Variants in NCAPH observed in about 807,000 individuals in gnomAD.
NCAPH encodes the protein condensin complex subunit 2.
A neutral mutation model predicts 85.5 loss-of-function variants in NCAPH; 38 were observed. The observed-to-expected ratio is 0.44, with a 90% CI of 0.34 to 0.58. NCAPH has a LOEUF of 0.58. Ranked by LOEUF, NCAPH falls within the 20% of genes least tolerant of loss-of-function variation. The probability of loss-of-function intolerance (pLI) is 0.01; values close to 1 mark genes in which losing one functional copy is unlikely to be tolerated. For missense variants in NCAPH, 789 were observed against 916.6 expected, an observed-to-expected ratio of 0.86 and a Z score of 1.80; for synonymous variants, 301 against 335.1, an observed-to-expected ratio of 0.90 and a Z score of 1.11.
chr2:96,342,286 T>A, intron 3 of NCAPH, 146 bp downstream of exon 3: 1 of 793,504 alleles, frequency 1.3e-6, no homozygotes, highest in South Asian at 1.7e-5. Flanking sequence ...CTGTTTACTC[T>A]GGACCCGTGG....
intron 1 of NCAPH, among the ~76,000 whole-genome samples, chr2:96,336,353 T>C (rs2064214855): frequency 1.3e-5 from 2 of 152,170 alleles, no homozygotes; most frequent in Non-Finnish European, 2.9e-5. Flanking sequence ...AGACAGACAG[T>C]AAACAAAAGA....
At position 96,367,366 on chromosome 2, in the gene NCAPH, A is replaced by G. The variant is rs763357064; in HGVS notation, c.1991A>G (p.Asp664Gly). ...ACAGCGCTCTCCGGAAAGGAGGCAGATGCAGAGGTCAGATGCTCTTGCCTG... is the reference window on the plus strand; with the variant it reads ...ACAGCGCTCTCCGGAAAGGAGGCAGGTGCAGAGGTCAGATGCTCTTGCCTG... ...LLTALSGKEA[D>G]AEANHREAGK... is the part of the protein sequence containing the mutation. Residue 664 changes from aspartate to glycine, a missense_variant, in exon 15 of 18, where the codon GAT (aspartate) becomes GGT (glycine). By Grantham distance (94) the Asp-to-Gly change is moderately conservative. Transcript: ENST00000240423. 6.2e-7 allele frequency: 1 copy of G among 1,611,468 alleles called. No individual in the cohort carries two copies. Among genetic ancestry groups the G allele is most frequent in the East Asian group, 2.2e-5 (1 of 44,852 alleles).
chr2:96,346,643 C>T (rs2064365063), intron 6 of NCAPH, among the ~76,000 whole-genome samples: 1 of 151,998 alleles, frequency 6.6e-6, no homozygotes, highest in South Asian at 2.1e-4. Flanking sequence ...GATTGTAGGC[C>T]TGGTGGGGTC....
At chr2:96,359,568 T>C (rs1445923695) in intron 10 of NCAPH, 2 of 240,938 alleles carry the variant, frequency 8.3e-6, no homozygotes, top group Non-Finnish European at 1.6e-5. Flanking sequence ...AGGGCTGTGC[T>C]GACCTTATGT....
chr2:96,357,168 G>T (rs1268270927), intron 9 of NCAPH, among the ~76,000 whole-genome samples: 1 of 152,230 alleles, frequency 6.6e-6, no homozygotes, highest in Non-Finnish European at 1.5e-5. Context: ...CATGCTGCCT[G>T]ATGTGCTGAG....
chr2:96,354,260 CTG>C lies in NCAPH; in HGVS notation c.1083_1084del (p.Cys361TrpfsTer11). On this transcript the variant is annotated frameshift_variant, in exon 9 of 18. Coordinates refer to ENST00000240423, the MANE Select transcript of NCAPH (RefSeq NM_015341.5). LOFTEE classifies it high-confidence loss of function. ...DINAEVDESD[C>X]GDFPDGSLGD... ...TCAATGCTGAAGTTGACGAGAGTGA[CTG>C]TGGAGACTTCCCCGATGGGTCCCTG... 6.2e-7 allele frequency: 1 copy of C among 1,614,060 alleles called. No individual in the cohort carries two copies. The highest frequency in any genetic ancestry group is 8.5e-7 in the Non-Finnish European group (1 of 1,180,012).
intron 6 of NCAPH, among the ~76,000 whole-genome samples, chr2:96,351,162 T>A (rs576406963): frequency 2.0e-5 from 3 of 152,356 alleles, no homozygotes; most frequent in African/African-American, 7.2e-5. Flanking sequence ...GCCCTGTGAC[T>A]AGCCCTATCA....
At chr2:96,355,369 C>T (rs1037073002) in intron 9 of NCAPH, among the ~76,000 whole-genome samples, 1 of 152,078 alleles carries the variant, frequency 6.6e-6, no homozygotes, top group Admixed American at 6.6e-5. Context: ...GGATTGGGGA[C>T]AGCCAAGCTG....
chr2:96,357,307 G>A (rs1171150262), intron 9 of NCAPH, among the ~76,000 whole-genome samples: 1 of 152,214 alleles, frequency 6.6e-6, no homozygotes, highest in Non-Finnish European at 1.5e-5. Flanking sequence ...TGGAGGGACT[G>A]GAGATGTTTG....
chr2:96,373,311 C>G lies in NCAPH; in HGVS notation c.2186C>G (p.Thr729Arg), dbSNP rs143765299. The G allele has an allele frequency of 1.4e-5, 23 of 1,613,988 alleles. No individual in the cohort carries two copies. The African/African-American group carries it at 3.1e-4, about 22-fold the overall frequency. ...ANEKNLKLEGTEDLSDVLVRQ... is the reference protein window; with the variant it reads ...ANEKNLKLEGREDLSDVLVRQ... ...CCTCAGAATCTAAAACTGGAAGGAA[C>G]AGAGGACCTCTCTGATGTTCTTGTG... Residue 729 changes from threonine to arginine, a missense_variant, in exon 18 of 18, where the codon ACA (threonine) becomes AGA (arginine). By Grantham distance (71) the Thr-to-Arg change is moderately conservative. Transcript: ENST00000240423.
chr2:96,368,582 G>A (rs573239431), intron 15 of NCAPH, among the ~76,000 whole-genome samples: 11 of 152,322 alleles, frequency 7.2e-5, no homozygotes, highest in East Asian at 5.8e-4. Flanking sequence ...GCCTGAACCC[G>A]GGAGGTGGAG....
intron 12 of NCAPH, among the ~76,000 whole-genome samples, chr2:96,361,040 C>CTTTTTTT (rs760283642): frequency 3.5e-5 from 3 of 86,750 alleles, no homozygotes; most frequent in Non-Finnish European, 4.5e-5. Context: ...TTGCTTTCTC[C>CTTTTTTT]TTTTTTTTTT....
rs1048533001 is a variant in NCAPH at position 96,376,100 on chromosome 2, T to C, written c.*2749T>C. ...TAATGTGTCCAGCTAAAAATTTGGG[T>C]TCTGTTAAGGTTAAAAGAAAATTTG... On this transcript the variant is annotated 3_prime_UTR_variant, in exon 18 of 18. Transcript: ENST00000240423. 1.3e-5 allele frequency among the ~76,000 whole-genome samples: 2 copies of C among 151,982 alleles called. No homozygotes were observed. The highest frequency in any genetic ancestry group is 4.8e-5 in the African/African-American group (2 of 41,370).
intron 10 of NCAPH, 68 bp downstream of exon 10, chr2:96,359,261 C>T (rs2064571765): frequency 1.3e-6 from 2 of 1,570,438 alleles, no homozygotes; most frequent in Non-Finnish European, 1.7e-6. Context: ...AGCAGTTAGC[C>T]AAGGAAAAGA....
chr2:96,354,879 G>T (rs1183410144), intron 9 of NCAPH, among the ~76,000 whole-genome samples: 2 of 152,198 alleles, frequency 1.3e-5, no homozygotes, highest in African/African-American at 4.8e-5. Flanking sequence ...CGTCAATGTG[G>T]CTGTTGTTAC....
At chr2:96,353,479 A>G in intron 8 of NCAPH, 82 bp downstream of exon 8, 1 of 1,209,660 alleles carries the variant, frequency 8.3e-7, no homozygotes, top group Non-Finnish European at 1.2e-6. Context: ...AAACTGTGGC[A>G]TCATCTTTAT....
chr2:96,365,940 T>C lies in NCAPH; in HGVS notation c.1763T>C (p.Leu588Pro). The change falls in exon 14 of 18, where the codon CTC becomes CCC. Residue 588 changes from leucine (L) to proline (P), a missense_variant. Transcript: ENST00000240423. ...LFVGPVGNSD[L>P]SPYPCHPPKT... The stretch of plus-strand genomic sequence containing the variant: ...GTGGGACCTGTTGGGAACTCTGACC[T>C]CTCACCTTATCCTTGCCATCCACCT... The C allele has an allele frequency of 6.2e-7, 1 of 1,614,172 alleles. No homozygotes were observed. Among genetic ancestry groups the C allele is most frequent in the Non-Finnish European group, 8.5e-7 (1 of 1,180,032 alleles).
intron 17 of NCAPH, among the ~76,000 whole-genome samples, chr2:96,370,794 T>C (rs1017137382): frequency 1.3e-5 from 2 of 152,306 alleles, no homozygotes; most frequent in Admixed American, 1.3e-4. Flanking sequence ...GTCTGGGTGT[T>C]CAAACCTGAG....
intron 17 of NCAPH, among the ~76,000 whole-genome samples, chr2:96,370,104 C>T (rs1310462769): frequency 6.6e-6 from 1 of 152,154 alleles, no homozygotes; most frequent in South Asian, 2.1e-4. Context: ...GTGGTACTAC[C>T]CAGGGATACC....
Sources: gnomAD v4.1 joint callset for allele counts (sites outside exome capture counted in the v4.1 genomes callset) on GRCh38, gnomAD v4.1.1 for gene constraint, MANE v1.5 for transcripts, NCBI Gene and HGNC (gene_info 2026-07-23, HGNC 2026-07-21) for gene names.